The following ATXN1 variants were observed in gnomAD, a reference collection of about 807,000 sequenced individuals.
The protein encoded by ATXN1 is ataxin-1.
Under a neutral mutation model 56.4 loss-of-function variants are expected in ATXN1, and 8 were observed. The observed-to-expected ratio is 0.14, with a 90% CI of 0.08 to 0.26. The LOEUF (loss-of-function observed/expected upper bound fraction) is 0.26, where lower values mean the gene tolerates loss of function less well. ATXN1 is among the 10% of genes least tolerant of loss of function. The pLI, the probability that ATXN1 is intolerant of heterozygous loss-of-function variation, is 1.00. For missense variants in ATXN1, 987 were observed against 1,106.5 expected (o/e 0.89, Z 1.53); for synonymous variants, 514 against 494.6 (o/e 1.04, Z -0.52).
Position 16,412,855 on chromosome 6 carries a change from G to A in ATXN1, c.-161+73117C>T, listed in dbSNP as rs182260578. ...GCAATGGAACAATGGCATCCCCAGA[G>A]TGACTGCCTTGGGGAGAGAGTTTGC... On this transcript the variant is annotated intron_variant, in intron 6 of 7. Coordinates refer to ENST00000436367, the MANE Select transcript of ATXN1 (RefSeq NM_001128164.2). 1.2e-3 allele frequency among the ~76,000 whole-genome samples: 187 copies of A among 152,364 alleles called. 1 individual carries two copies. The highest frequency in any genetic ancestry group is 4.4e-3 in the African/African-American group (182 of 41,582).
chr6:16,627,280 C>T (rs543110305), intron 3 of ATXN1, among the ~76,000 whole-genome samples: 20 of 152,140 alleles, frequency 1.3e-4, no homozygotes, highest in Non-Finnish European at 2.2e-4. Context: ...TGGTTCTATG[C>T]AGCAAACTCA....
At chr6:16,607,481 G>T (rs1763032326) in intron 3 of ATXN1, among the ~76,000 whole-genome samples, 1 of 152,238 alleles carries the variant, frequency 6.6e-6, no homozygotes, top group African/African-American at 2.4e-5. Context: ...AGCTTGGAAA[G>T]CATGTCCCAA....
intron 3 of ATXN1, among the ~76,000 whole-genome samples, chr6:16,639,148 G>T (rs1763656563): frequency 6.6e-6 from 1 of 152,178 alleles, no homozygotes; most frequent in Non-Finnish European, 1.5e-5. Context: ...ACATGGGCAG[G>T]GACAAATAAG....
chr6:16,366,034 C>T (rs555977921), intron 6 of ATXN1, among the ~76,000 whole-genome samples: 8 of 152,296 alleles, frequency 5.3e-5, no homozygotes, highest in Non-Finnish European at 1.0e-4. Flanking sequence ...CTCTTCTCAG[C>T]ATCAGAGATT....
chr6:16,593,836 T>C (rs1051866431), intron 3 of ATXN1, among the ~76,000 whole-genome samples: 15 of 117,220 alleles, frequency 1.3e-4, no homozygotes, highest in African/African-American at 4.6e-4. Context: ...TATGTATGTA[T>C]GTACGTGTAT....
At chr6:16,554,737 T>G (rs534204803) in intron 4 of ATXN1, among the ~76,000 whole-genome samples, 3 of 147,084 alleles carry the variant, frequency 2.0e-5, no homozygotes, top group Non-Finnish European at 4.6e-5. Context: ...TACAGGCACA[T>G]GCCACCACGC....
intron 3 of ATXN1, among the ~76,000 whole-genome samples, chr6:16,643,050 ACC>A (rs1256677014): frequency 6.6e-6 from 1 of 151,860 alleles, no homozygotes; most frequent in African/African-American, 2.4e-5. Flanking sequence ...TGGGTGGATC[ACC>A]TGGGGTCAGG....
chr6:16,334,012 T>C (rs571299980), intron 6 of ATXN1, among the ~76,000 whole-genome samples: 46 of 152,308 alleles, frequency 3.0e-4, no homozygotes, highest in African/African-American at 9.6e-4. Context: ...CATTCATTCA[T>C]CAAACACTCA....
intron 3 of ATXN1, among the ~76,000 whole-genome samples, chr6:16,598,118 T>A (rs554924203): frequency 6.6e-6 from 1 of 152,178 alleles, no homozygotes; most frequent in East Asian, 1.9e-4. Flanking sequence ...TAAATATACA[T>A]AATTATTGCC....
intron 6 of ATXN1, among the ~76,000 whole-genome samples, chr6:16,404,779 T>C (rs1758652805): frequency 6.6e-6 from 1 of 152,214 alleles, no homozygotes; most frequent in African/African-American, 2.4e-5. Flanking sequence ...CCCTCTTTAG[T>C]GGCCGGATCT....
At chr6:16,354,638 C>T (rs1246587912) in intron 6 of ATXN1, among the ~76,000 whole-genome samples, 1 of 152,122 alleles carries the variant, frequency 6.6e-6, no homozygotes, top group African/African-American at 2.4e-5. Context: ...TCCTTTTAAA[C>T]AAAGTTTTTA....
At chr6:16,427,028 T>C (rs1036284419) in intron 6 of ATXN1, among the ~76,000 whole-genome samples, 8 of 152,008 alleles carry the variant, frequency 5.3e-5, no homozygotes, top group Non-Finnish European at 8.8e-5. Context: ...ATGGACCAGA[T>C]TGTATGTCGG....
chr6:16,648,176 A>G (rs1403466715), intron 3 of ATXN1, among the ~76,000 whole-genome samples: 1 of 152,198 alleles, frequency 6.6e-6, no homozygotes, highest in East Asian at 1.9e-4. Flanking sequence ...TCTCTTTTAT[A>G]TCCTTCCTCA....
At chr6:16,747,432 A>G (rs185439108) in intron 2 of ATXN1, among the ~76,000 whole-genome samples, 7 of 152,316 alleles carry the variant, frequency 4.6e-5, no homozygotes, top group Non-Finnish European at 8.8e-5. Flanking sequence ...GGAATTGCCA[A>G]GCAATTAGTT....
intron 2 of ATXN1, among the ~76,000 whole-genome samples, chr6:16,667,712 AT>A (rs1482206158): frequency 6.6e-6 from 1 of 152,216 alleles, no homozygotes; most frequent in Non-Finnish European, 1.5e-5. Context: ...ATGTAGTGTT[AT>A]CCTTTTGAAG....
At chr6:16,622,201 T>G (rs970295515) in intron 3 of ATXN1, among the ~76,000 whole-genome samples, 5 of 152,100 alleles carry the variant, frequency 3.3e-5, no homozygotes, top group Non-Finnish European at 7.4e-5. Flanking sequence ...GTAAGTGCAA[T>G]AAGGAAAAAT....
chr6:16,391,363 G>C (rs1377854475), intron 6 of ATXN1, among the ~76,000 whole-genome samples: 1 of 152,010 alleles, frequency 6.6e-6, no homozygotes, highest in Non-Finnish European at 1.5e-5. Context: ...CTGCCCATCA[G>C]AATCACCATT....
At chr6:16,429,353 G>C (rs943074410) in intron 6 of ATXN1, among the ~76,000 whole-genome samples, 3 of 137,078 alleles carry the variant, frequency 2.2e-5, no homozygotes, top group Admixed American at 7.7e-5. Flanking sequence ...GGTGATAACA[G>C]GATGTTTGGA....
At chr6:16,399,851 C>A (rs1581736967) in intron 6 of ATXN1, among the ~76,000 whole-genome samples, 1 of 152,196 alleles carries the variant, frequency 6.6e-6, no homozygotes, top group Non-Finnish European at 1.5e-5. Flanking sequence ...AGATTCCCTG[C>A]TCTAAAGGGA....
Sources: allele counts gnomAD v4.1 joint callset (sites outside exome capture counted in the v4.1 genomes callset), GRCh38; gene constraint gnomAD v4.1.1; transcripts MANE v1.5; gene names NCBI Gene and HGNC (gene_info 2026-07-23, HGNC 2026-07-21).